CARMIL1: variants seen among roughly 807,000 people sequenced by gnomAD.
The protein encoded by CARMIL1 is capping protein regulator and myosin 1 linker 1, also known as F-actin-uncapping protein LRRC16A.
In CARMIL1, 90 loss-of-function variants were observed where a neutral mutation model predicts 177.1. That is an observed-to-expected ratio of 0.51 (90% CI 0.43 to 0.61). CARMIL1 has a LOEUF of 0.61. CARMIL1 is among the 20% of genes least tolerant of loss of function. The pLI is 0.00. For missense variants in CARMIL1, 1,380 were observed against 1,667.0 expected, an observed-to-expected ratio of 0.83 and a Z score of 3.00; for synonymous variants, 577 against 606.2, an observed-to-expected ratio of 0.95 and a Z score of 0.71.
intron 2 of CARMIL1, among the ~76,000 whole-genome samples, chr6:25,403,820 C>A (rs1794102068): frequency 6.6e-6 from 1 of 152,166 alleles, no homozygotes; most frequent in African/African-American, 2.4e-5. Context: ...CTACATTTTT[C>A]TCCATAGCAC....
intron 23 of CARMIL1, among the ~76,000 whole-genome samples, chr6:25,522,281 C>T (rs908544483): frequency 1.3e-5 from 2 of 152,268 alleles, no homozygotes; most frequent in African/African-American, 4.8e-5. Context: ...TTACTCTATC[C>T]CTTCCTAGTG....
chr6:25,357,627 T>C (rs926856024), intron 2 of CARMIL1, among the ~76,000 whole-genome samples: 1 of 152,124 alleles, frequency 6.6e-6, no homozygotes, highest in Non-Finnish European at 1.5e-5. Context: ...TTGAGTGTTA[T>C]GGAGTTATGA....
At chr6:25,291,759 GT>G (rs1023912180) in intron 2 of CARMIL1, among the ~76,000 whole-genome samples, 11 of 152,154 alleles carry the variant, frequency 7.2e-5, no homozygotes, top group African/African-American at 2.4e-4. Context: ...CAGTGAGGCT[GT>G]TTTGATGAAC....
At chr6:25,478,653 G>A (rs910550558) in intron 11 of CARMIL1, among the ~76,000 whole-genome samples, 4 of 151,990 alleles carry the variant, frequency 2.6e-5, no homozygotes, top group African/African-American at 7.3e-5. Flanking sequence ...AAAATTAGCC[G>A]AGCGTGGTGG....
intron 33 of CARMIL1, 53 bp downstream of exon 33, chr6:25,600,799 C>T (rs1185275912): frequency 7.3e-7 from 1 of 1,372,840 alleles, no homozygotes; most frequent in Non-Finnish European, 9.6e-7. Flanking sequence ...ATAATAGATG[C>T]ACACATTTTC....
At chr6:25,583,091 A>G (rs1813279343) in intron 31 of CARMIL1, among the ~76,000 whole-genome samples, 1 of 152,234 alleles carries the variant, frequency 6.6e-6, no homozygotes, top group African/African-American at 2.4e-5. Flanking sequence ...TGCCCTCTGT[A>G]TAGCCAGAGG....
chr6:25,391,064 G>A (rs975837004), intron 2 of CARMIL1, among the ~76,000 whole-genome samples: 5 of 152,172 alleles, frequency 3.3e-5, no homozygotes, highest in African/African-American at 7.2e-5. Flanking sequence ...AGTTGGTTGC[G>A]TGATTTGATT....
chr6:25,490,698 A>AAAATAAATAAAT (rs199709831), intron 13 of CARMIL1, among the ~76,000 whole-genome samples: 5 of 124,982 alleles, frequency 4.0e-5, no homozygotes, highest in Non-Finnish European at 6.5e-5. Context: ...ACCCTGTCTT[A>AAAATAAATAAAT]AAATAAATAA....
chr6:25,350,532 G>A (rs77192487), intron 2 of CARMIL1: 7,930 of 152,256 alleles, frequency 0.052, 276 homozygotes, highest in Non-Finnish European at 0.087. Flanking sequence ...TTTGGGGCCC[G>A]CCTGGGTTCC....
intron 9 of CARMIL1, among the ~76,000 whole-genome samples, chr6:25,467,657 G>A (rs182304805): frequency 1.2e-3 from 176 of 152,228 alleles, no homozygotes; most frequent in African/African-American, 4.0e-3. Flanking sequence ...TTCAGTCCTG[G>A]CAAAACAAAC....
rs1243470196 is a variant in CARMIL1, at chr6:25,515,728, C to A, written c.1686C>A (p.Ile562=). 1 of 1,610,246 alleles carries A rather than the reference C, an allele frequency of 6.2e-7. No individual in the cohort carries two copies. Among genetic ancestry groups the A allele is most frequent in the Admixed American group, 1.7e-5 (1 of 59,568 alleles). Residue 562 remains isoleucine, a synonymous_variant, in exon 21 of 37, where the codon ATC becomes ATA. Transcript: ENST00000329474. The surrounding 1 kb of genome is among the most constrained non-coding windows in gnomAD (Gnocchi z 5.0). ...CGAAACTCAAGACTGAGGTCACCAT[C>A]ATCATCAATGCCCTGGGAAGCAACA... ...ADSKLKTEVT[I]IINALGSNTS... is the part of the protein sequence containing the mutation.
At chr6:25,414,216 GTC>G (rs1245948899) in intron 2 of CARMIL1, among the ~76,000 whole-genome samples, 1 of 152,172 alleles carries the variant, frequency 6.6e-6, no homozygotes, top group African/African-American at 2.4e-5. Context: ...GATAACAAAA[GTC>G]TATCAGGTTT....
intron 2 of CARMIL1, among the ~76,000 whole-genome samples, chr6:25,413,092 C>T (rs192750642): frequency 6.6e-5 from 10 of 152,250 alleles, no homozygotes; most frequent in African/African-American, 1.9e-4. Flanking sequence ...TTATCATCTG[C>T]CACTTATAAC....
At chr6:25,319,149 G>A (rs376765402) in intron 2 of CARMIL1, among the ~76,000 whole-genome samples, 1 of 152,264 alleles carries the variant, frequency 6.6e-6, no homozygotes, top group Non-Finnish European at 1.5e-5. Context: ...GCCTATAGAA[G>A]CCTTCCTTAG....
chr6:25,606,032 G>A, intron 34 of CARMIL1, 29 bp from the exon 35 acceptor site: 3 of 1,559,044 alleles, frequency 1.9e-6, no homozygotes, highest in Non-Finnish European at 2.6e-6. Flanking sequence ...TTTGACCTTT[G>A]ATTTTTAAAG....
intron 2 of CARMIL1, among the ~76,000 whole-genome samples, chr6:25,417,088 G>A (rs893004356): frequency 1.3e-5 from 2 of 152,134 alleles, no homozygotes; most frequent in African/African-American, 2.4e-5. Flanking sequence ...TCCACTCTGG[G>A]GGAGGAGCAG....
At chr6:25,347,575 G>A (rs1371377480) in intron 2 of CARMIL1, among the ~76,000 whole-genome samples, 1 of 152,174 alleles carries the variant, frequency 6.6e-6, no homozygotes, top group East Asian at 1.9e-4. Flanking sequence ...ATTTTTGAGT[G>A]GGGTATGGTT....
At chr6:25,385,235 C>A (rs957836571) in intron 2 of CARMIL1, among the ~76,000 whole-genome samples, 1 of 152,160 alleles carries the variant, frequency 6.6e-6, no homozygotes. Flanking sequence ...TGCCATATAT[C>A]CAAGGCCAAG....
chr6:25,478,567 C>T (rs1378330883), intron 11 of CARMIL1, among the ~76,000 whole-genome samples: 9 of 152,044 alleles, frequency 5.9e-5, no homozygotes, highest in Non-Finnish European at 1.2e-4. Context: ...GAGGCCGAGG[C>T]GGGCAGATCA....
Sources: allele counts gnomAD v4.1 joint callset (sites outside exome capture counted in the v4.1 genomes callset), GRCh38; gene constraint gnomAD v4.1.1; non-coding constraint Gnocchi (gnomAD v3.1); transcripts MANE v1.5; gene names NCBI Gene and HGNC (gene_info 2026-07-23, HGNC 2026-07-21).